The following MUC22 variants were observed in gnomAD, a reference collection of about 807,000 sequenced individuals.
MUC22 encodes mucin-22.
Under a neutral mutation model 40.3 loss-of-function variants are expected in MUC22, and 24 were observed. The observed-to-expected ratio is 0.60, with a 90% CI of 0.43 to 0.84. The LOEUF (loss-of-function observed/expected upper bound fraction) is 0.84, where lower values mean the gene tolerates loss of function less well. Among genes scored for constraint, MUC22 ranks in the 40% least tolerant of loss-of-function variants. The pLI is 0.00. For synonymous variants in MUC22, 765 were observed against 844.5 expected (o/e 0.91, Z 1.63); for missense variants, 1,926 against 2,130.7 (o/e 0.90, Z 1.89).
intron 1 of MUC22, among the ~76,000 whole-genome samples, chr6:31,012,789 G>T (rs9262462): frequency 0.19 from 23,258 of 124,834 alleles, 1,972 homozygotes; most frequent in African/African-American, 0.23. Flanking sequence ...GCTGGGCGCC[G>T]TCTCACCCTC....
intron 1 of MUC22, among the ~76,000 whole-genome samples, chr6:31,021,071 C>G (rs1764687138): frequency 6.6e-6 from 1 of 152,252 alleles, no homozygotes; most frequent in Non-Finnish European, 1.5e-5. Flanking sequence ...CCAGGGCGCC[C>G]AGTCCCACCG....
intron 1 of MUC22, among the ~76,000 whole-genome samples, chr6:31,021,144 G>C (rs1216123857): frequency 2.0e-5 from 3 of 152,256 alleles, no homozygotes; most frequent in Non-Finnish European, 4.4e-5. Context: ...TCCACCTGCG[G>C]CCCCGGGGCG....
intron 1 of MUC22, among the ~76,000 whole-genome samples, chr6:31,020,824 G>A (rs1209927193): frequency 1.3e-5 from 2 of 152,318 alleles, no homozygotes; most frequent in African/African-American, 2.4e-5. Context: ...AGCAGCCAGC[G>A]GGCCCTGCAG....
At position 31,032,054 on chromosome 6, in the gene MUC22, C is replaced by T; in HGVS notation, c.4670-142C>T. On this transcript the variant is annotated intron_variant, in intron 2 of 3. Transcript: ENST00000561890. The surrounding 1 kb of genome is among the most constrained non-coding windows in gnomAD (Gnocchi z 4.1). Reference sequence around the variant, plus strand: ...TGGCCACAGCAGAATCGCTTTCTACCATCTCTCCTCCCCCACCACACCTCT... The same window carrying T: ...TGGCCACAGCAGAATCGCTTTCTACTATCTCTCCTCCCCCACCACACCTCT... The T allele has an allele frequency of 1.2e-6, 1 of 868,406 alleles. No homozygotes were observed. Among genetic ancestry groups the T allele is most frequent in the Non-Finnish European group, 1.7e-6 (1 of 582,410 alleles). 53.8% of individuals were successfully genotyped at this position (868,406 alleles called of 1,614,324 possible).
chr6:31,029,409 C>G (rs1322287163), exon 2 of MUC22: 1 of 1,534,454 alleles, frequency 6.5e-7, no homozygotes, highest in Admixed American at 2.0e-5. Flanking sequence ...CTGAGACCAC[C>G]ACAGCCTCTA....
At chr6:31,018,128 C>T (rs1250294451) in intron 1 of MUC22, among the ~76,000 whole-genome samples, 1 of 152,208 alleles carries the variant, frequency 6.6e-6, no homozygotes, top group Non-Finnish European at 1.5e-5. Context: ...CAAGAACCCA[C>T]CAATTCTGGA....
chr6:31,026,868 C>A (rs1240215933), exon 2 of MUC22: 2 of 1,493,872 alleles, frequency 1.3e-6, no homozygotes, highest in South Asian at 2.5e-5. Context: ...CGACTGCAGC[C>A]TCCACCATGG....
chr6:31,034,655 T>C lies in MUC22; in HGVS notation c.5056-17T>C. ...ACTTAATTTTCATTTATCAATGTAT[T>C]TATTTTTTTCTTTTAGAGAAACCTT... On this transcript the variant is annotated splice_polypyrimidine_tract_variant and intron_variant, in intron 3 of 3. Transcript: ENST00000561890. The C allele has an allele frequency of 6.6e-7, 1 of 1,519,074 alleles. No individual in the cohort carries two copies. Among genetic ancestry groups the C allele is most frequent in the East Asian group, 2.5e-5 (1 of 40,702 alleles). The allele number at this position is 1,519,074 out of a possible 1,614,324, so 94.1% of individuals were successfully genotyped here. A position where few individuals can be genotyped will look rare whatever the true frequency, so the allele number is the denominator to read the frequency against.
At chr6:31,022,761 T>A (rs1007149822) in intron 1 of MUC22, among the ~76,000 whole-genome samples, 1 of 151,656 alleles carries the variant, frequency 6.6e-6, no homozygotes, top group African/African-American at 2.4e-5. Context: ...AAGGTGTATA[T>A]CGTAAATCCT....
exon 4 of MUC22, chr6:31,035,051 G>C: frequency 1.8e-6 from 2 of 1,108,886 alleles, no homozygotes. Flanking sequence ...GGGGGTCATG[G>C]AGGAGAAAAA....
At chr6:31,006,761 G>A (rs1236650055), upstream of MUC22, among the ~76,000 whole-genome samples, 3 of 152,286 alleles carry the variant, frequency 2.0e-5, no homozygotes, top group African/African-American at 7.2e-5. Context: ...AGAATAATAT[G>A]GGGAAAGTAA....
intron 1 of MUC22, among the ~76,000 whole-genome samples, chr6:31,014,231 TA>T (rs1286188652): frequency 6.6e-6 from 1 of 152,050 alleles, no homozygotes; most frequent in Non-Finnish European, 1.5e-5. Context: ...GCCTCATTTT[TA>T]AAATGTCCAT....
chr6:31,028,448 C>T (rs1296830629), exon 2 of MUC22: 2 of 1,532,576 alleles, frequency 1.3e-6, no homozygotes, highest in Admixed American at 2.0e-5. Context: ...GAGACCACCT[C>T]AGCCTCTACT....
chr6:31,017,069 C>T (rs11756205), intron 1 of MUC22, among the ~76,000 whole-genome samples: 1 of 152,370 alleles, frequency 6.6e-6, no homozygotes, highest in South Asian at 2.1e-4. Context: ...CCCGCCATGC[C>T]TGAGCCTCCC....
intron 1 of MUC22, among the ~76,000 whole-genome samples, chr6:31,016,803 G>A (rs941722661): frequency 2.0e-5 from 3 of 152,248 alleles, no homozygotes; most frequent in Admixed American, 6.5e-5. Flanking sequence ...GGAGAGGCAC[G>A]GGCGGGAACC....
At chr6:31,010,695 C>T (rs1763804040) in exon 1 of MUC22, 1 of 702,438 alleles carries the variant, frequency 1.4e-6, no homozygotes, top group African/African-American at 1.7e-5. Flanking sequence ...CTTCTATGTG[C>T]ATCATTTAGA....
intron 3 of MUC22, 106 bp from the exon 4 acceptor site, chr6:31,034,566 C>T (rs28732081): frequency 4.6e-6 from 4 of 878,064 alleles, no homozygotes; most frequent in Non-Finnish European, 5.1e-6. Context: ...AGAACATGGG[C>T]AGTTTGGAAA....
At chr6:31,015,718 A>G (rs948742963) in intron 1 of MUC22, among the ~76,000 whole-genome samples, 5 of 152,202 alleles carry the variant, frequency 3.3e-5, no homozygotes, top group Admixed American at 3.3e-4. Context: ...TAAAAGACCC[A>G]TTCTTTTTAT....
At chr6:31,016,145 T>G (rs1182699074) in intron 1 of MUC22, among the ~76,000 whole-genome samples, 8 of 146,766 alleles carry the variant, frequency 5.5e-5, no homozygotes, top group Non-Finnish European at 7.5e-5. Flanking sequence ...TTTTTTTTTT[T>G]TGTGGGTGCT....
Sources: allele counts gnomAD v4.1 joint callset (sites outside exome capture counted in the v4.1 genomes callset), GRCh38; gene constraint gnomAD v4.1.1; non-coding constraint Gnocchi (gnomAD v3.1); transcripts MANE v1.5; gene names NCBI Gene and HGNC (gene_info 2026-07-23, HGNC 2026-07-21).